FIGN: variants seen among roughly 807,000 people sequenced by gnomAD.
FIGN encodes the protein fidgetin, microtubule severing factor.
FIGN carries 11 observed loss-of-function variants against 51.3 expected under a neutral mutation model. The observed-to-expected ratio is 0.21, with a 90% confidence interval of 0.13 to 0.35. The LOEUF (loss-of-function observed/expected upper bound fraction) is 0.35, where lower values mean the gene tolerates loss of function less well. Ranked by LOEUF, FIGN falls within the 10% of genes least tolerant of loss-of-function variation. The pLI, the probability that FIGN is intolerant of heterozygous loss-of-function variation, is 1.00. For missense variants in FIGN, 857 were observed against 943.6 expected, an observed-to-expected ratio of 0.91 and a Z score of 1.20; for synonymous variants, 407 against 363.2, an observed-to-expected ratio of 1.12 and a Z score of -1.37.
At chr2:163,696,526 G>C (rs1361434161) in intron 2 of FIGN, among the ~76,000 whole-genome samples, 1 of 152,146 alleles carries the variant, frequency 6.6e-6, no homozygotes, top group Non-Finnish European at 1.5e-5. Context: ...TATTCTCAGA[G>C]CACTTTGTGG....
intron 2 of FIGN, among the ~76,000 whole-genome samples, chr2:163,634,109 TG>T (rs1683190372): frequency 3.3e-5 from 5 of 151,594 alleles, no homozygotes; most frequent in Admixed American, 6.6e-5. Context: ...TGTGTGTGTG[TG>T]TGTGTGTGTG....
intron 2 of FIGN, among the ~76,000 whole-genome samples, chr2:163,715,497 T>G (rs1204430842): frequency 1.3e-5 from 2 of 152,188 alleles, no homozygotes; most frequent in Admixed American, 1.3e-4. Flanking sequence ...GAATGGACTC[T>G]GACAGCCACC....
chr2:163,675,979 G>T (rs1683956889), intron 2 of FIGN, among the ~76,000 whole-genome samples: 1 of 151,472 alleles, frequency 6.6e-6, no homozygotes, highest in Admixed American at 6.6e-5. Context: ...AAATGAAAGG[G>T]TATCAACAAG....
chr2:163,675,277 T>C (rs1683938259), intron 2 of FIGN, among the ~76,000 whole-genome samples: 1 of 152,258 alleles, frequency 6.6e-6, no homozygotes, highest in African/African-American at 2.4e-5. Flanking sequence ...GTTTTTGTTC[T>C]TGTTTTGCAA....
At chr2:163,679,765 T>A (rs893503061) in intron 2 of FIGN, among the ~76,000 whole-genome samples, 22 of 152,332 alleles carry the variant, frequency 1.4e-4, no homozygotes, top group East Asian at 1.9e-4. Context: ...TGGCTCCATG[T>A]CTTTAAAAAT....
intron 2 of FIGN, among the ~76,000 whole-genome samples, chr2:163,680,948 G>A (rs1232718756): frequency 6.6e-6 from 1 of 152,068 alleles, no homozygotes; most frequent in African/African-American, 2.4e-5. Context: ...TGAACATATG[G>A]CATGTGCCAG....
At chr2:163,629,757 C>T (rs1434140920) in intron 2 of FIGN, among the ~76,000 whole-genome samples, 1 of 151,860 alleles carries the variant, frequency 6.6e-6, no homozygotes, top group East Asian at 1.9e-4. Flanking sequence ...TACCGTCTAT[C>T]CCTTGCCAGG....
intron 2 of FIGN, among the ~76,000 whole-genome samples, chr2:163,618,247 C>T (rs1682910242): frequency 6.6e-6 from 1 of 152,092 alleles, no homozygotes; most frequent in Non-Finnish European, 1.5e-5. Flanking sequence ...CTAGTTAAAA[C>T]TCATTTTAAA....
chr2:163,662,549 C>A (rs768625589), intron 2 of FIGN, among the ~76,000 whole-genome samples: 3 of 152,206 alleles, frequency 2.0e-5, no homozygotes, highest in South Asian at 2.1e-4. Context: ...ATGTCAGAGA[C>A]CTTCAGAGCA....
rs1691155864 is a variant in FIGN, at chr2:163,608,338, C to G, written c.*1214G>C. ...GTGTATTTGTTTTGGTTGCTATCCT[C>G]TGCATTCTATCAAACAGCACGGCAA... On this transcript the variant is annotated 3_prime_UTR_variant, in exon 3 of 3. Transcript: ENST00000333129. The G allele has an allele frequency of 6.6e-6, 1 of 152,476 alleles. No homozygotes were observed. Among genetic ancestry groups the G allele is most frequent in the Admixed American group, 6.5e-5 (1 of 15,268 alleles). 9.4% of individuals were successfully genotyped at this position (152,476 alleles called of 1,614,324 possible).
chr2:163,660,716 C>CAT (rs1412189310), intron 2 of FIGN, among the ~76,000 whole-genome samples: 2 of 62,974 alleles, frequency 3.2e-5, no homozygotes, highest in Admixed American at 2.3e-4. Flanking sequence ...TACACATATA[C>CAT]ATATATATGT....
At chr2:163,696,242 T>C (rs889252499) in intron 2 of FIGN, among the ~76,000 whole-genome samples, 1 of 152,134 alleles carries the variant, frequency 6.6e-6, no homozygotes, top group African/African-American at 2.4e-5. Context: ...AGGAAAAAAT[T>C]CTTAATAAGA....
At chr2:163,636,410 C>T (rs1359025718) in intron 2 of FIGN, among the ~76,000 whole-genome samples, 6 of 152,230 alleles carry the variant, frequency 3.9e-5, no homozygotes, top group South Asian at 2.1e-4. Flanking sequence ...CTCAGCCTCC[C>T]GAGTAGCTGG....
At chr2:163,647,107 G>A (rs188023133) in intron 2 of FIGN, among the ~76,000 whole-genome samples, 1 of 152,302 alleles carries the variant, frequency 6.6e-6, no homozygotes, top group East Asian at 1.9e-4. Flanking sequence ...CAAAGTGCTG[G>A]AACAAAGGCT....
chr2:163,679,329 TA>T (rs554363179), intron 2 of FIGN, among the ~76,000 whole-genome samples: 2 of 151,502 alleles, frequency 1.3e-5, no homozygotes, highest in Admixed American at 6.6e-5. Flanking sequence ...CCGTCTCTGC[TA>T]AAAAAAATAC....
rs1691119352 is a variant in FIGN, at chr2:163,606,696, A to G, written c.*2856T>C. On this transcript the variant is annotated 3_prime_UTR_variant, in exon 3 of 3. Coordinates refer to ENST00000333129, the MANE Select transcript of FIGN (RefSeq NM_018086.4). ...AGAGCTCATAATGCTGCCATGCAGA[A>G]TCAAAGAATCACAGGAGAGCACTAT... The G allele has an allele frequency of 6.6e-6, 1 of 152,190 alleles. No individual in the cohort carries two copies. Among genetic ancestry groups the G allele is most frequent in the Non-Finnish European group, 1.5e-5 (1 of 68,040 alleles). 9.4% of individuals were successfully genotyped at this position (152,190 alleles called of 1,614,324 possible).
chr2:163,658,636 T>C (rs1298375989), intron 2 of FIGN, among the ~76,000 whole-genome samples: 1 of 152,044 alleles, frequency 6.6e-6, no homozygotes, highest in African/African-American at 2.4e-5. Flanking sequence ...GCAAAGGAGA[T>C]GCCTGGCTTT....
intron 2 of FIGN, among the ~76,000 whole-genome samples, chr2:163,626,966 C>T (rs1022247529): frequency 1.3e-5 from 2 of 152,054 alleles, no homozygotes; most frequent in Non-Finnish European, 2.9e-5. Context: ...AGGAAATTAC[C>T]CTATATAGTC....
At chr2:163,690,184 A>C (rs967206813) in intron 2 of FIGN, among the ~76,000 whole-genome samples, 1 of 152,190 alleles carries the variant, frequency 6.6e-6, no homozygotes, top group Non-Finnish European at 1.5e-5. Context: ...AGTATTTCTT[A>C]AACACTCGAG....
Sources: allele counts gnomAD v4.1 joint callset (sites outside exome capture counted in the v4.1 genomes callset), GRCh38; gene constraint gnomAD v4.1.1; transcripts MANE v1.5; gene names NCBI Gene and HGNC (gene_info 2026-07-23, HGNC 2026-07-21).